Variants in KLHL14 observed in about 807,000 individuals in gnomAD.
The protein encoded by KLHL14 is kelch like family member 14.
A neutral mutation model predicts 64.3 loss-of-function variants in KLHL14; 22 were observed. The ratio of observed to expected loss-of-function variants is 0.34; its 90% CI spans 0.24 to 0.49. The LOEUF is 0.49. Ranked by LOEUF, KLHL14 falls within the 20% of genes least tolerant of loss-of-function variation. The pLI is 0.99. For synonymous variants in KLHL14, 322 were observed against 333.4 expected (o/e 0.97, Z 0.37); for missense variants, 661 against 789.0 (o/e 0.84, Z 1.94).
intron 3 of KLHL14, among the ~76,000 whole-genome samples, chr18:32,722,140 G>A (rs567492940): frequency 5.3e-5 from 8 of 152,278 alleles, no homozygotes; most frequent in African/African-American, 1.9e-4. Context: ...CTTCTACCAT[G>A]TTGTTAGGCC....
chr18:32,674,429 G>A lies in KLHL14; in HGVS notation c.*228C>T. ...AGCTGGGATAAGTTAAAACCAGTCTGAAATGGAAGAGTCTGTCACCACAGG... is the reference window on the plus strand; with the variant it reads ...AGCTGGGATAAGTTAAAACCAGTCTAAAATGGAAGAGTCTGTCACCACAGG... On this transcript the variant is annotated 3_prime_UTR_variant, in exon 9 of 9. Coordinates refer to ENST00000359358, the MANE Select transcript of KLHL14 (RefSeq NM_020805.3). 2.2e-6 allele frequency: 1 copy of A among 453,224 alleles called. No homozygotes were observed. Among genetic ancestry groups the A allele is most frequent in the Non-Finnish European group, 4.0e-6 (1 of 252,922 alleles). 28.1% of individuals were successfully genotyped at this position (453,224 alleles called of 1,614,324 possible).
At chr18:32,682,580 T>C (rs766393813) in intron 5 of KLHL14, among the ~76,000 whole-genome samples, 17 of 152,150 alleles carry the variant, frequency 1.1e-4, no homozygotes, top group Admixed American at 3.9e-4. Flanking sequence ...CTTTAAAAAA[T>C]TGAGATTTTT....
chr18:32,674,541 C>T lies in KLHL14; in HGVS notation c.*116G>A, dbSNP rs2049801183. ...GTAGTTACTTATAAATCATCAGAAACCAAGGGTGGGTTTTGGCAGTTGTAC... is the reference window on the plus strand; with the variant it reads ...GTAGTTACTTATAAATCATCAGAAATCAAGGGTGGGTTTTGGCAGTTGTAC... On this transcript the variant is annotated 3_prime_UTR_variant, in exon 9 of 9. Transcript: ENST00000359358. The T allele has an allele frequency of 3.0e-6, 2 of 665,166 alleles. No homozygotes were observed. The highest frequency in any genetic ancestry group is 5.5e-6 in the Non-Finnish European group (2 of 363,146). The allele number at this position is 665,166 out of a possible 1,614,324, so 41.2% of individuals were successfully genotyped here. A position where few individuals can be genotyped will look rare whatever the true frequency, so the allele number is the denominator to read the frequency against.
intron 5 of KLHL14, among the ~76,000 whole-genome samples, chr18:32,684,987 A>C: frequency 6.6e-6 from 1 of 151,954 alleles, no homozygotes; most frequent in East Asian, 1.9e-4. Flanking sequence ...GCCTTTTCCC[A>C]CTCAGCGCTG....
In KLHL14 at chr18:32,769,948, A is replaced by T; in HGVS notation, c.644T>A (p.Leu215Gln). Residue 215 changes from leucine (L) to glutamine (Q), a missense_variant, in exon 2 of 9, where the codon CTG becomes CAG. Leu to Gln is a moderately radical substitution (Grantham distance 113, BLOSUM62 -2). Transcript: ENST00000359358. Reference protein sequence around the residue: ...ANKYLVEDVLLLNFEEMRALL... With the variant: ...ANKYLVEDVLQLNFEEMRALL... The stretch of plus-strand genomic sequence containing the variant: ...GGCGCGCATCTCCTCGAAGTTGAGC[A>T]GCAGCACATCCTCCACCAGGTACTT... 6.2e-7 allele frequency: 1 copy of T among 1,614,208 alleles called. No individual in the cohort carries two copies.
intron 2 of KLHL14, among the ~76,000 whole-genome samples, chr18:32,751,430 T>C (rs547253497): frequency 6.6e-6 from 1 of 152,286 alleles, no homozygotes; most frequent in East Asian, 1.9e-4. Flanking sequence ...ATTTAACAGA[T>C]GAAAGACTAG....
At chr18:32,756,488 G>A (rs147728140) in intron 2 of KLHL14, among the ~76,000 whole-genome samples, 1 of 151,990 alleles carries the variant, frequency 6.6e-6, no homozygotes, top group Non-Finnish European at 1.5e-5. Context: ...TCTCTTAATA[G>A]GTCAAAAGAA....
intron 3 of KLHL14, among the ~76,000 whole-genome samples, chr18:32,720,693 G>C (rs969002404): frequency 1.3e-5 from 2 of 152,104 alleles, no homozygotes; most frequent in Admixed American, 1.3e-4. Context: ...AATAAAAAAG[G>C]CATCCAGGAA....
In KLHL14 at chr18:32,683,485, A is replaced by G. The variant is rs1033126068; in HGVS notation, c.1239-2886T>C. Reference sequence around the variant, plus strand: ...CTTCCCATACCAGGTCTCTCTTGACAATGCTCCCTGCCCCTCTTCGCCACA... The same window carrying G: ...CTTCCCATACCAGGTCTCTCTTGACGATGCTCCCTGCCCCTCTTCGCCACA... On this transcript the variant is annotated intron_variant, in intron 5 of 8. Coordinates refer to ENST00000359358, the MANE Select transcript of KLHL14 (RefSeq NM_020805.3). This position sits in a 1 kb window ranked among gnomAD's most constrained non-coding sequence, Gnocchi z 4.2. 2.8e-4 allele frequency among the ~76,000 whole-genome samples: 42 copies of G among 152,160 alleles called. No homozygotes were observed. Among genetic ancestry groups the G allele is most frequent in the African/African-American group, 9.9e-4 (41 of 41,440 alleles).
chr18:32,745,924 G>A (rs900840699), intron 2 of KLHL14, among the ~76,000 whole-genome samples: 1 of 152,156 alleles, frequency 6.6e-6, no homozygotes, highest in African/African-American at 2.4e-5. Context: ...GCTGAAGGGG[G>A]TTTTAATTAT....
chr18:32,677,437 T>C (rs1437878255), intron 7 of KLHL14, 107 bp from the exon 8 acceptor site: 3 of 1,050,336 alleles, frequency 2.9e-6, no homozygotes, highest in Non-Finnish European at 2.7e-6. Context: ...TAGATAATTA[T>C]GTTTTTGAAG....
intron 2 of KLHL14, among the ~76,000 whole-genome samples, chr18:32,758,940 T>C (rs2144547055): frequency 6.6e-6 from 1 of 152,242 alleles, no homozygotes; most frequent in Admixed American, 6.5e-5. Context: ...GTCGGGCGGA[T>C]GATGGTGGTG....
intron 2 of KLHL14, among the ~76,000 whole-genome samples, chr18:32,758,095 T>C (rs1523583): frequency 0.067 from 10,120 of 152,062 alleles, 423 homozygotes; most frequent in African/African-American, 0.11. Flanking sequence ...TCTCTCTCTC[T>C]CTCTTTTGTA....
At chr18:32,686,743 G>T (rs1325265571) in intron 5 of KLHL14, among the ~76,000 whole-genome samples, 2 of 151,994 alleles carry the variant, frequency 1.3e-5, no homozygotes, top group East Asian at 1.9e-4. Context: ...ATTGAATATT[G>T]AATTTAATAT....
intron 2 of KLHL14, among the ~76,000 whole-genome samples, chr18:32,767,741 T>C (rs1346264842): frequency 6.6e-6 from 1 of 152,242 alleles, no homozygotes; most frequent in Non-Finnish European, 1.5e-5. Flanking sequence ...AGGACATACC[T>C]GTTAGATAAA....
intron 2 of KLHL14, among the ~76,000 whole-genome samples, chr18:32,766,449 T>C (rs759333653): frequency 6.6e-6 from 1 of 152,082 alleles, no homozygotes; most frequent in Non-Finnish European, 1.5e-5. Flanking sequence ...ATCAAGCTGA[T>C]TTAATCTATC....
At chr18:32,765,193 G>A (rs767196570) in intron 2 of KLHL14, among the ~76,000 whole-genome samples, 2 of 152,194 alleles carry the variant, frequency 1.3e-5, no homozygotes, top group Non-Finnish European at 2.9e-5. Context: ...TGTATGTGAA[G>A]TGCGTCAACA....
chr18:32,769,898 C>CG lies in KLHL14; in HGVS notation c.693dup (p.Val232ArgfsTer28). On this transcript the variant is annotated frameshift_variant, in exon 2 of 9. Transcript: ENST00000359358. LOFTEE classifies it high-confidence loss of function. Reference sequence around the variant, plus strand: ...TGGAAGAGCGCCAGCTCCGACTCCACGGGGGGCGGCAGCGAGTCCAGCAGG... The same window carrying CG: ...TGGAAGAGCGCCAGCTCCGACTCCACGGGGGGGCGGCAGCGAGTCCAGCAGG... The CG allele has an allele frequency of 2.5e-6, 4 of 1,614,020 alleles. No individual in the cohort carries two copies. Among genetic ancestry groups the CG allele is most frequent in the Non-Finnish European group, 8.5e-7 (1 of 1,180,032 alleles).
intron 3 of KLHL14, among the ~76,000 whole-genome samples, chr18:32,710,502 T>C (rs975363272): frequency 1.3e-5 from 2 of 152,192 alleles, no homozygotes; most frequent in Non-Finnish European, 2.9e-5. Context: ...AGGGATTTCA[T>C]TTAATTTTTA....
Sources: gnomAD v4.1 joint callset for allele counts (sites outside exome capture counted in the v4.1 genomes callset) on GRCh38, gnomAD v4.1.1 for gene constraint, Gnocchi (gnomAD v3.1) non-coding constraint, MANE v1.5 for transcripts, NCBI Gene and HGNC (gene_info 2026-07-23, HGNC 2026-07-21) for gene names.